Variants in DSG2 observed in about 807,000 individuals in gnomAD.
DSG2 encodes desmoglein-2.
A neutral mutation model predicts 75.6 loss-of-function variants in DSG2; 45 were observed. The ratio of observed to expected loss-of-function variants is 0.60; its 90% CI spans 0.47 to 0.76. DSG2 has a LOEUF of 0.76. DSG2 is among the 30% of genes least tolerant of loss of function. The pLI is 0.00. For synonymous variants in DSG2, 429 were observed against 483.9 expected (o/e 0.89, Z 1.49); for missense variants, 1,267 against 1,357.4 (o/e 0.93, Z 1.05).
chr18:31,542,774 G>T lies in DSG2; in HGVS notation c.2256G>T (p.Gly752=). The change falls in exon 14 of 15, where the codon GGG becomes GGT. Residue 752 remains glycine (G), a synonymous_variant. Coordinates refer to ENST00000261590, the MANE Select transcript of DSG2 (RefSeq NM_001943.5). ...TETTKTARAT[G]ASRDMAGAQA... is the part of the protein sequence containing the mutation. ...CCACGAAGACCGCAAGGGCCACAGGGGCTTCCAGAGACATGGCCGGAGCTC... is the reference window on the plus strand; with the variant it reads ...CCACGAAGACCGCAAGGGCCACAGGTGCTTCCAGAGACATGGCCGGAGCTC... The T allele has an allele frequency of 6.2e-7, 1 of 1,610,586 alleles. No homozygotes were observed. The highest frequency in any genetic ancestry group is 8.5e-7 in the Non-Finnish European group (1 of 1,178,170).
intron 13 of DSG2, 37 bp downstream of exon 13, chr18:31,541,351 C>T: frequency 6.2e-7 from 1 of 1,612,116 alleles, no homozygotes; most frequent in Non-Finnish European, 8.5e-7. Context: ...TTGTCTTCTT[C>T]TTGGGTTTTA....
Position 31,542,563 on chromosome 18 carries a change from T to C in DSG2, c.2045T>C (p.Val682Ala). Residue 682 changes from valine (V) to alanine (A), a missense_variant, in exon 14 of 15, where the codon GTA becomes GCA. Transcript: ENST00000261590. ...CCAGTGGATCAAGGGGGCAGTCTAG[T>C]AGGAAGAAATGGAGTAGGAGGTATG... ...FLPVDQGGSL[V>A]GRNGVGGMAK... 1 of 1,613,890 alleles carries C rather than the reference T, an allele frequency of 6.2e-7. No individual in the cohort carries two copies. The highest frequency in any genetic ancestry group is 1.1e-5 in the South Asian group (1 of 91,054).
chr18:31,504,712 T>C (rs1214027327), intron 1 of DSG2, among the ~76,000 whole-genome samples: 3 of 152,214 alleles, frequency 2.0e-5, no homozygotes, highest in Non-Finnish European at 4.4e-5. Context: ...ATGCTCGTCA[T>C]TGAGCCGCAC....
chr18:31,509,023 T>C (rs1193433571), intron 1 of DSG2, among the ~76,000 whole-genome samples: 1 of 151,862 alleles, frequency 6.6e-6, no homozygotes, highest in East Asian at 1.9e-4. Flanking sequence ...ACTGTTAACA[T>C]CCCAATTAGA....
intron 11 of DSG2, 21 bp from the exon 12 acceptor site, chr18:31,538,730 T>C (rs1334232180): frequency 4.4e-6 from 7 of 1,606,820 alleles, no homozygotes; most frequent in South Asian, 1.1e-5. Flanking sequence ...TTTTATTTCC[T>C]TCTGCCTCCC....
intron 9 of DSG2, among the ~76,000 whole-genome samples, chr18:31,531,829 G>GA (rs1453160252): frequency 6.6e-6 from 1 of 152,220 alleles, no homozygotes; most frequent in African/African-American, 2.4e-5. Flanking sequence ...TGTGTTGGAA[G>GA]AAACTAGTTT....
rs1286744796 is a variant in DSG2, at chr18:31,548,859, CCCA to C, written c.*2117_*2119del. 6.6e-6 allele frequency: 1 copy of C among 151,984 alleles called. No homozygotes were observed. Among genetic ancestry groups the C allele is most frequent in the Non-Finnish European group, 1.5e-5 (1 of 68,012 alleles). 9.4% of individuals were successfully genotyped at this position (151,984 alleles called of 1,614,324 possible). On this transcript the variant is annotated 3_prime_UTR_variant, in exon 15 of 15. Coordinates refer to ENST00000261590, the MANE Select transcript of DSG2 (RefSeq NM_001943.5). ...AAAGTATCTTTAGAGTGACCCTTTC[CCCA>C]TAGATTTTTATTTCTCTATTATATT...
intron 1 of DSG2, among the ~76,000 whole-genome samples, chr18:31,517,118 A>G (rs559044631): frequency 2.0e-5 from 3 of 152,250 alleles, no homozygotes; most frequent in Non-Finnish European, 2.9e-5. Flanking sequence ...GCAGCAAAAC[A>G]ACATGGCTGG....
chr18:31,501,079 C>A (rs906868797), intron 1 of DSG2, among the ~76,000 whole-genome samples: 3 of 152,134 alleles, frequency 2.0e-5, no homozygotes, highest in Non-Finnish European at 2.9e-5. Context: ...TCTACTAGAT[C>A]TTTTACTTAA....
intron 2 of DSG2, among the ~76,000 whole-genome samples, chr18:31,518,593 T>A (rs2073108033): frequency 1.3e-5 from 2 of 152,198 alleles, no homozygotes; most frequent in African/African-American, 4.8e-5. Flanking sequence ...CCTTTATGCA[T>A]CTGTGTATAT....
At chr18:31,516,114 T>G (rs541250306) in intron 1 of DSG2, among the ~76,000 whole-genome samples, 1 of 151,718 alleles carries the variant, frequency 6.6e-6, no homozygotes, top group South Asian at 2.1e-4. Context: ...AGCAATAGAT[T>G]GTTAACAGAA....
intron 12 of DSG2, 140 bp from the exon 13 acceptor site, chr18:31,541,053 G>T: frequency 9.3e-7 from 1 of 1,080,336 alleles, no homozygotes; most frequent in Non-Finnish European, 1.4e-6. Context: ...GGTTGGATCA[G>T]GGTGAAGAAA....
Position 31,535,378 on chromosome 18 carries a change from C to T in DSG2, c.1389C>T (p.Gly463=), listed in dbSNP as rs779600255. 6.2e-7 allele frequency: 1 copy of T among 1,611,560 alleles called. No individual in the cohort carries two copies. Among genetic ancestry groups the T allele is most frequent in the South Asian group, 1.1e-5 (1 of 90,922 alleles). ...PDFESRYVQN[G]TYTVKIVAIS... ...TTGAATCTAGATATGTTCAAAATGG[C>T]ACATACACTGTAAAGATTGTGGCCA... is the stretch of plus-strand genomic sequence containing the variant. The change falls in exon 10 of 15, where the codon GGC becomes GGT. Residue 463 remains glycine, a synonymous_variant. Transcript: ENST00000261590.
intron 6 of DSG2, chr18:31,522,614 A>G (rs778594823): frequency 1.2e-5 from 2 of 173,486 alleles, no homozygotes; most frequent in Non-Finnish European, 2.5e-5. Context: ...TAAAATTGTT[A>G]TCATGTGTTT....
chr18:31,517,369 G>A (rs1006783543), intron 1 of DSG2, among the ~76,000 whole-genome samples: 15 of 152,164 alleles, frequency 9.9e-5, no homozygotes, highest in Non-Finnish European at 1.9e-4. Context: ...ACACTAGTTC[G>A]ATAGATCAGC....
chr18:31,498,457 C>A (rs997688003), intron 1 of DSG2, among the ~76,000 whole-genome samples, 161 bp downstream of exon 1: 10 of 152,148 alleles, frequency 6.6e-5, no homozygotes, highest in Non-Finnish European at 1.3e-4. Context: ...CAGGCTGCGG[C>A]GAGATCCGAC....
Position 31,522,265 on chromosome 18 carries a change from A to G in DSG2, c.690+16A>G. On this transcript the variant is annotated intron_variant, in intron 6 of 14. Coordinates refer to ENST00000261590, the MANE Select transcript of DSG2 (RefSeq NM_001943.5). ...GGACAGAGAGGTAAGTTAATATGTT[A>G]TGTTGCCCATCTTTAAACTCTCTAT... The G allele has an allele frequency of 6.2e-7, 1 of 1,608,732 alleles. No homozygotes were observed. The highest frequency in any genetic ancestry group is 8.5e-7 in the Non-Finnish European group (1 of 1,175,422).
intron 8 of DSG2, among the ~76,000 whole-genome samples, chr18:31,529,838 A>G (rs2073183787): frequency 1.3e-5 from 2 of 152,246 alleles, no homozygotes; most frequent in South Asian, 4.1e-4. Context: ...TTCTTTTAGT[A>G]ATAGGATATA....
chr18:31,546,118 C>T lies in DSG2; in HGVS notation c.2732C>T (p.Ser911Phe), dbSNP rs1347435204. Residue 911 changes from serine (S) to phenylalanine (F), a missense_variant, in exon 15 of 15, where the codon TCT (serine) becomes TTT (phenylalanine). Ser to Phe is a radical substitution (Grantham distance 155, BLOSUM62 -2). Transcript: ENST00000261590. ...ACTCAGGAAATAGTCACTGAAAGAT[C>T]TGTGTCTTCTAGGCAGGCGCAAAAG... ...KVTQEIVTER[S>F]VSSRQAQKVA... 1 of 1,614,216 alleles carries T rather than the reference C, an allele frequency of 6.2e-7. No homozygotes were observed.
Sources: gnomAD v4.1 joint callset for allele counts (sites outside exome capture counted in the v4.1 genomes callset) on GRCh38, gnomAD v4.1.1 for gene constraint, MANE v1.5 for transcripts, NCBI Gene and HGNC (gene_info 2026-07-23, HGNC 2026-07-21) for gene names.